TPP2: variants seen among roughly 807,000 people sequenced by gnomAD.
The protein encoded by TPP2 is tripeptidyl-peptidase 2.
A neutral mutation model predicts 155.9 loss-of-function variants in TPP2; 34 were observed. The observed-to-expected ratio is 0.22, with a 90% CI of 0.17 to 0.29. The LOEUF is 0.29. Ranked by LOEUF, TPP2 falls within the 10% of genes least tolerant of loss-of-function variation. The pLI is 1.00. For synonymous variants in TPP2, 510 were observed against 529.4 expected, an observed-to-expected ratio of 0.96 and a Z score of 0.50; for missense variants, 1,028 against 1,522.3, an observed-to-expected ratio of 0.68 and a Z score of 5.40.
intron 2 of TPP2, among the ~76,000 whole-genome samples, chr13:102,605,746 T>C (rs967159018): frequency 6.8e-6 from 1 of 147,578 alleles, no homozygotes. Context: ...TTTCGAGACA[T>C]AGAGTCTTGC....
At position 102,669,388 on chromosome 13, in the gene TPP2, A is replaced by G. The variant is rs1884820720; in HGVS notation, c.3371+4463A>G. Among the ~76,000 whole-genome samples, 3 of 152,312 alleles carry G rather than the reference A, an allele frequency of 2.0e-5. No homozygotes were observed. The South Asian group carries it at 6.2e-4, about 32-fold the overall frequency. ...AAAATTGCTGAAATTTTGAGCTGGC[A>G]TAAGCTGGACCAATATCAGTTTTAA... On this transcript the variant is annotated intron_variant, in intron 27 of 29. Coordinates refer to ENST00000376052, the MANE Select transcript of TPP2 (RefSeq NM_001330588.2).
intron 21 of TPP2, 60 bp downstream of exon 21, chr13:102,647,404 C>A: frequency 6.4e-7 from 1 of 1,558,400 alleles, no homozygotes; most frequent in South Asian, 1.2e-5. Flanking sequence ...CTAACAAAAT[C>A]CTGGTTTCTT....
At chr13:102,635,520 T>C in intron 11 of TPP2, 67 bp from the exon 12 acceptor site, 1 of 1,123,254 alleles carries the variant, frequency 8.9e-7, no homozygotes, top group Non-Finnish European at 1.3e-6. Flanking sequence ...TGATCGATCA[T>C]ACTGGTGGGC....
rs772696801 is a variant in TPP2, at chr13:102,605,699, CT to C, written c.294+792del. On this transcript the variant is annotated intron_variant, in intron 2 of 29. Coordinates refer to ENST00000376052, the MANE Select transcript of TPP2 (RefSeq NM_001330588.2). ...TGTTAACTTAAATGGCCAGCTTTGT[CT>C]TTTTTTTTTTTTTAAACTTCTTTTT... is the stretch of plus-strand genomic sequence containing the variant. Among the ~76,000 whole-genome samples, 881 of 134,920 alleles carry C rather than the reference CT, an allele frequency of 6.5e-3. 1 individual carries two copies. The highest frequency in any genetic ancestry group is 0.011 in the African/African-American group (391 of 37,054). The allele number at this position is 134,920 out of a possible 152,430, so 88.5% of individuals were successfully genotyped here. A position where few individuals can be genotyped will look rare whatever the true frequency, so the allele number is the denominator to read the frequency against.
At chr13:102,601,040 G>A (rs1180908646) in intron 1 of TPP2, among the ~76,000 whole-genome samples, 1 of 151,996 alleles carries the variant, frequency 6.6e-6, no homozygotes, top group Admixed American at 6.6e-5. Context: ...ATAAGCATGT[G>A]CCACCATACC....
chr13:102,642,110 G>A (rs1882808007), intron 16 of TPP2, among the ~76,000 whole-genome samples: 2 of 152,188 alleles, frequency 1.3e-5, no homozygotes, highest in African/African-American at 4.8e-5. Context: ...CTGGACTTCT[G>A]TTTCAACTGT....
chr13:102,648,565 C>T (rs932839728), intron 21 of TPP2, among the ~76,000 whole-genome samples: 1 of 151,688 alleles, frequency 6.6e-6, no homozygotes, highest in African/African-American at 2.4e-5. Flanking sequence ...AAAATCACTG[C>T]TTTTGTCATT....
At chr13:102,665,082 T>C in intron 27 of TPP2, 157 bp downstream of exon 27, 1 of 1,001,678 alleles carries the variant, frequency 1.0e-6, no homozygotes, top group Non-Finnish European at 1.4e-6. Flanking sequence ...CCTTAGAAAT[T>C]TTAAAATAAT....
At chr13:102,669,294 G>A (rs1884814304) in intron 27 of TPP2, among the ~76,000 whole-genome samples, 1 of 152,092 alleles carries the variant, frequency 6.6e-6, no homozygotes, top group Non-Finnish European at 1.5e-5. Flanking sequence ...GATTGGACAC[G>A]TTCTACTGTG....
intron 2 of TPP2, among the ~76,000 whole-genome samples, chr13:102,605,391 A>AC (rs1879744196): frequency 6.6e-6 from 1 of 152,136 alleles, no homozygotes; most frequent in African/African-American, 2.4e-5. Context: ...ACTTGACTAT[A>AC]TTGAGCTCAT....
At chr13:102,643,670 T>C (rs1045061891) in intron 17 of TPP2, among the ~76,000 whole-genome samples, 37 of 152,238 alleles carry the variant, frequency 2.4e-4, no homozygotes, top group African/African-American at 8.7e-4. Flanking sequence ...TTCTTTGTTG[T>C]ACTATAGATT....
chr13:102,614,039 G>T, intron 2 of TPP2, 62 bp from the exon 3 acceptor site: 1 of 1,434,694 alleles, frequency 7.0e-7, no homozygotes, highest in African/African-American at 1.4e-5. Context: ...TTGCTCAGTA[G>T]TGTATCATTG....
In TPP2 at chr13:102,597,208, G is replaced by A. The variant is rs1351003132; in HGVS notation, c.165+5G>A. The A allele has an allele frequency of 7.1e-7, 1 of 1,410,112 alleles. No individual in the cohort carries two copies. The highest frequency in any genetic ancestry group is 9.2e-7 in the Non-Finnish European group (1 of 1,081,438). 87.3% of individuals were successfully genotyped at this position (1,410,112 alleles called of 1,614,324 possible). Reference sequence around the variant, plus strand: ...CCGGGGGCTCCGGGCATGCAGGTGAGGCGGCCCCCGAGGGCCCGGGCGCGG... The same window carrying A: ...CCGGGGGCTCCGGGCATGCAGGTGAAGCGGCCCCCGAGGGCCCGGGCGCGG... On this transcript the variant is annotated splice_donor_5th_base_variant and intron_variant, in intron 1 of 29. Coordinates refer to ENST00000376052, the MANE Select transcript of TPP2 (RefSeq NM_001330588.2).
chr13:102,647,159 G>A (rs574537798), intron 20 of TPP2, 48 bp from the exon 21 acceptor site: 14 of 1,512,364 alleles, frequency 9.3e-6, no homozygotes, highest in African/African-American at 8.4e-5. Context: ...ATTTGTATCA[G>A]AAATTATATG....
chr13:102,614,621 C>T (rs2139439061), intron 3 of TPP2, among the ~76,000 whole-genome samples: 1 of 151,862 alleles, frequency 6.6e-6, no homozygotes, highest in Admixed American at 6.5e-5. Flanking sequence ...AGCCTTCTTG[C>T]TCCCAGTTAG....
intron 13 of TPP2, 141 bp downstream of exon 13, chr13:102,636,533 A>AC: frequency 9.1e-7 from 1 of 1,102,038 alleles, no homozygotes; most frequent in Non-Finnish European, 1.2e-6. Context: ...AATCTTAGTC[A>AC]TAAGAGAAAA....
chr13:102,601,559 T>C (rs1489209279), intron 1 of TPP2, among the ~76,000 whole-genome samples: 1 of 152,212 alleles, frequency 6.6e-6, no homozygotes, highest in African/African-American at 2.4e-5. Flanking sequence ...CCAGTAAGCA[T>C]TTCCCAGTCT....
chr13:102,644,765 G>A (rs1882992200), intron 18 of TPP2, 92 bp downstream of exon 18: 1 of 1,411,414 alleles, frequency 7.1e-7, no homozygotes, highest in Non-Finnish European at 9.8e-7. Context: ...TTTAATGAGG[G>A]GAAATTACCT....
chr13:102,662,282 G>T (rs184490010), intron 25 of TPP2, among the ~76,000 whole-genome samples: 15 of 152,238 alleles, frequency 9.9e-5, no homozygotes, highest in African/African-American at 3.4e-4. Context: ...ATAGCAAAAG[G>T]GTATGGCGGT....
Sources: allele counts gnomAD v4.1 joint callset (sites outside exome capture counted in the v4.1 genomes callset), GRCh38; gene constraint gnomAD v4.1.1; transcripts MANE v1.5; gene names NCBI Gene and HGNC (gene_info 2026-07-23, HGNC 2026-07-21).